The following TMEM272 variants were observed in gnomAD, a reference collection of about 807,000 sequenced individuals.
TMEM272 encodes the protein long intergenic non-protein coding RNA 282.
A neutral mutation model predicts 3.7 loss-of-function variants in TMEM272; 8 were observed. The ratio of observed to expected loss-of-function variants is 2.17; its 90% CI spans 1.27 to 3.91. The LOEUF is 3.91. Among genes scored for constraint, TMEM272 ranks in the 30% most tolerant of loss-of-function variants. The pLI, the probability that TMEM272 is intolerant of heterozygous loss-of-function variation, is 0.00. For synonymous variants in TMEM272, 63 were observed against 39.8 expected (o/e 1.58, Z -2.20); for missense variants, 166 against 91.5 (o/e 1.81, Z -3.32).
At chr13:51,879,013 C>T in the TMEM272 span, among the ~76,000 whole-genome samples, 8 of 152,182 alleles carry the variant, frequency 5.3e-5, no homozygotes, top group African/African-American at 1.4e-4. Context: ...ATACTGTGCA[C>T]GAGAAAAGCC....
the TMEM272 span, among the ~76,000 whole-genome samples, chr13:51,889,549 T>A: frequency 2.0e-5 from 3 of 152,216 alleles, no homozygotes; most frequent in Admixed American, 1.3e-4. Context: ...GGCACCTTGA[T>A]CTTGGACTTT....
intron 4 of TMEM272, among the ~76,000 whole-genome samples, chr13:51,821,807 A>C (rs1025358495): frequency 6.6e-6 from 1 of 152,050 alleles, no homozygotes; most frequent in Admixed American, 6.5e-5. Context: ...GTCAGACCAA[A>C]GCCACAGCTT....
the TMEM272 span, among the ~76,000 whole-genome samples, chr13:51,920,514 C>T: frequency 3.3e-5 from 5 of 152,178 alleles, no homozygotes; most frequent in African/African-American, 1.2e-4. Context: ...AAAGTGTCAA[C>T]TTCTTGCTCT....
At chr13:51,883,862 A>G in the TMEM272 span, among the ~76,000 whole-genome samples, 1 of 152,200 alleles carries the variant, frequency 6.6e-6, no homozygotes, top group African/African-American at 2.4e-5. Context: ...TCCTCCATCC[A>G]TGTAAAGCTC....
the TMEM272 span, among the ~76,000 whole-genome samples, chr13:51,854,443 A>G: frequency 6.6e-6 from 1 of 152,172 alleles, no homozygotes; most frequent in Non-Finnish European, 1.5e-5. Flanking sequence ...CCATGCAACC[A>G]TTTGATCACC....
At chr13:51,860,126 G>A in the TMEM272 span, among the ~76,000 whole-genome samples, 2 of 152,048 alleles carry the variant, frequency 1.3e-5, no homozygotes, top group South Asian at 2.1e-4. Flanking sequence ...CTCCTACCAG[G>A]AGGACGCTCA....
At position 51,822,082 on chromosome 13, in the gene TMEM272, T is replaced by C. The variant is rs1443561984; in HGVS notation, c.174A>G (p.Leu58=). The change falls in exon 4 of 5, where the codon CTA becomes CTG. Residue 58 remains leucine, a synonymous_variant. Coordinates refer to ENST00000629372, the MANE Select transcript of TMEM272 (RefSeq NM_001351003.2). The part of the protein sequence containing the change: ...PIQPLIPLYL[L]VGGIVGTLKV... ...TTAAGGTACCGACGATGCCACCCAC[T>C]AGCAAATATAAAGGAATGAGGGGCT... 1.4e-6 allele frequency: 1 copy of C among 702,472 alleles called. No individual in the cohort carries two copies. Among genetic ancestry groups the C allele is most frequent in the Admixed American group, 2.0e-5 (1 of 50,006 alleles). The allele number at this position is 702,472 out of a possible 1,614,324, so 43.5% of individuals were successfully genotyped here. A position where few individuals can be genotyped will look rare whatever the true frequency, so the allele number is the denominator to read the frequency against.
At chr13:51,845,917 C>T (rs377625807), upstream of TMEM272, among the ~76,000 whole-genome samples, 4 of 152,208 alleles carry the variant, frequency 2.6e-5, no homozygotes, top group East Asian at 1.9e-4. Flanking sequence ...GAGAAACTGG[C>T]GTCACATGAC....
the TMEM272 span, among the ~76,000 whole-genome samples, chr13:51,913,473 C>T: frequency 1.6e-4 from 24 of 152,326 alleles, no homozygotes; most frequent in African/African-American, 5.5e-4. Flanking sequence ...CCAGTGACAA[C>T]GTGTGCTTAC....
At chr13:51,916,062 G>A in the TMEM272 span, among the ~76,000 whole-genome samples, 2 of 152,124 alleles carry the variant, frequency 1.3e-5, no homozygotes. Context: ...GACAGAGGGA[G>A]ACCTCTTCTC....
chr13:51,917,845 G>A, the TMEM272 span, among the ~76,000 whole-genome samples: 4 of 152,162 alleles, frequency 2.6e-5, no homozygotes, highest in African/African-American at 4.8e-5. Flanking sequence ...AGGGAGTTCC[G>A]AATTCTCACG....
At chr13:51,873,748 C>A in the TMEM272 span, among the ~76,000 whole-genome samples, 3 of 152,202 alleles carry the variant, frequency 2.0e-5, no homozygotes, top group African/African-American at 4.8e-5. Flanking sequence ...CTCTGAAGAG[C>A]CTTTCCTGAC....
At chr13:51,866,833 A>T in the TMEM272 span, among the ~76,000 whole-genome samples, 145 of 152,290 alleles carry the variant, frequency 9.5e-4, 2 homozygotes, top group Non-Finnish European at 1.5e-3. Flanking sequence ...CTGCCCTCAC[A>T]TATTCCCACT....
At chr13:51,865,706 A>G in the TMEM272 span, 2 of 1,614,218 alleles carry the variant, frequency 1.2e-6, no homozygotes, top group Non-Finnish European at 1.7e-6. Flanking sequence ...CTTCTGGGAA[A>G]TGGAAAAGTC....
At chr13:51,906,197 G>A in the TMEM272 span, among the ~76,000 whole-genome samples, 13 of 152,214 alleles carry the variant, frequency 8.5e-5, no homozygotes, top group East Asian at 1.9e-4. Context: ...AACTTAGCCC[G>A]CTAAGGGGAC....
intron 1 of TMEM272, among the ~76,000 whole-genome samples, chr13:51,841,827 G>A (rs1956266414): frequency 6.6e-6 from 1 of 152,166 alleles, no homozygotes; most frequent in African/African-American, 2.4e-5. Context: ...AAACTGGCAA[G>A]ATGGATGAGA....
chr13:51,929,016 G>A, the TMEM272 span, among the ~76,000 whole-genome samples: 1 of 152,142 alleles, frequency 6.6e-6, no homozygotes, highest in Admixed American at 6.5e-5. Context: ...GACCAACATG[G>A]TTAAACCCCG....
the TMEM272 span, among the ~76,000 whole-genome samples, chr13:51,874,258 C>G: frequency 6.6e-6 from 1 of 152,196 alleles, no homozygotes; most frequent in East Asian, 1.9e-4. Flanking sequence ...TACCCTCACT[C>G]TCTGGCTGTG....
chr13:51,869,495 T>A, the TMEM272 span, among the ~76,000 whole-genome samples: 9 of 149,244 alleles, frequency 6.0e-5, no homozygotes, highest in Admixed American at 4.0e-4. Flanking sequence ...TCAGTAATTT[T>A]TTTTTTTTTT....
Sources: gnomAD v4.1 joint callset for allele counts (sites outside exome capture counted in the v4.1 genomes callset) on GRCh38, gnomAD v4.1.1 for gene constraint, MANE v1.5 for transcripts, NCBI Gene and HGNC (gene_info 2026-07-23, HGNC 2026-07-21) for gene names.